STX8: variants seen among roughly 807,000 people sequenced by gnomAD.
STX8 encodes syntaxin 8, also known as syntaxin-8.
A neutral mutation model predicts 37.5 loss-of-function variants in STX8; 23 were observed. That is an observed-to-expected ratio of 0.61 (90% confidence interval 0.44 to 0.87). The LOEUF (loss-of-function observed/expected upper bound fraction) is 0.87, where lower values mean the gene tolerates loss of function less well. Ranked by LOEUF, STX8 falls within the 40% of genes least tolerant of loss-of-function variation. The pLI, the probability that STX8 is intolerant of heterozygous loss-of-function variation, is 0.00. For synonymous variants in STX8, 115 were observed against 99.1 expected, an observed-to-expected ratio of 1.16 and a Z score of -0.95; for missense variants, 313 against 284.7, an observed-to-expected ratio of 1.10 and a Z score of -0.71.
At chr17:9,559,318 TA>T (rs1907113227) in intron 2 of STX8, among the ~76,000 whole-genome samples, 1 of 152,138 alleles carries the variant, frequency 6.6e-6, no homozygotes, top group Non-Finnish European at 1.5e-5. Flanking sequence ...ATTATAAATG[TA>T]AAAATCTTTT....
At chr17:9,326,250 C>A (rs931051545) in intron 7 of STX8, among the ~76,000 whole-genome samples, 7 of 152,052 alleles carry the variant, frequency 4.6e-5, no homozygotes, top group African/African-American at 1.7e-4. Context: ...CCCACCTCAG[C>A]CTGCCGAGTA....
chr17:9,439,005 A>G (rs1904545571), intron 6 of STX8, among the ~76,000 whole-genome samples: 1 of 152,176 alleles, frequency 6.6e-6, no homozygotes, highest in African/African-American at 2.4e-5. Flanking sequence ...TGCTTTTACA[A>G]AAAGTTTTAT....
intron 4 of STX8, among the ~76,000 whole-genome samples, chr17:9,544,873 T>C (rs1188953374): frequency 1.3e-5 from 2 of 151,956 alleles, no homozygotes; most frequent in East Asian, 1.9e-4. Context: ...TGGGCGCCTG[T>C]AATCCCAACT....
intron 6 of STX8, among the ~76,000 whole-genome samples, chr17:9,432,652 G>A (rs1914022715): frequency 1.3e-5 from 2 of 152,176 alleles, no homozygotes; most frequent in African/African-American, 2.4e-5. Context: ...TGTACTTCAT[G>A]TTCCTTTTGG....
intron 6 of STX8, among the ~76,000 whole-genome samples, chr17:9,392,854 T>C (rs1175277131): frequency 6.6e-6 from 1 of 152,120 alleles, no homozygotes; most frequent in Non-Finnish European, 1.5e-5. Context: ...CAAGGACCTA[T>C]GGGATAATGG....
intron 2 of STX8, among the ~76,000 whole-genome samples, chr17:9,559,501 A>C (rs1426093329): frequency 6.6e-6 from 1 of 151,608 alleles, no homozygotes; most frequent in African/African-American, 2.4e-5. Context: ...AGTACAGTAC[A>C]GGGGAAATTA....
chr17:9,536,307 G>A (rs1479275530), intron 4 of STX8, among the ~76,000 whole-genome samples: 2 of 152,148 alleles, frequency 1.3e-5, no homozygotes, highest in African/African-American at 4.8e-5. Flanking sequence ...AGCCGACATC[G>A]AGTATCGGGA....
At chr17:9,306,365 GGGAGT>G in intron 7 of STX8, among the ~76,000 whole-genome samples, 1 of 152,264 alleles carries the variant, frequency 6.6e-6, no homozygotes, top group East Asian at 1.9e-4. Context: ...GGGAAGGAGA[GGGAGT>G]GGAGAAGACA....
At chr17:9,498,214 A>C (rs374059050) in intron 5 of STX8, among the ~76,000 whole-genome samples, 3 of 152,090 alleles carry the variant, frequency 2.0e-5, no homozygotes, top group African/African-American at 7.2e-5. Context: ...ACATGGCAAA[A>C]TCCTGTCTCT....
chr17:9,266,118 T>C (rs907458703), intron 7 of STX8, among the ~76,000 whole-genome samples: 4 of 152,206 alleles, frequency 2.6e-5, no homozygotes, highest in African/African-American at 7.2e-5. Flanking sequence ...GTTAATAAGA[T>C]GTAGGCTTAG....
chr17:9,272,991 G>A (rs368438223), intron 7 of STX8, among the ~76,000 whole-genome samples: 16 of 152,286 alleles, frequency 1.1e-4, no homozygotes, highest in East Asian at 7.7e-4. Flanking sequence ...AACATCCATC[G>A]AGCCTGGCTA....
At chr17:9,414,671 G>T (rs1022329780) in intron 6 of STX8, among the ~76,000 whole-genome samples, 2 of 151,474 alleles carry the variant, frequency 1.3e-5, no homozygotes, top group Non-Finnish European at 2.9e-5. Context: ...TCAACCACAA[G>T]AACCAGTCAG....
chr17:9,519,949 T>TA (rs1905284063), intron 4 of STX8, among the ~76,000 whole-genome samples: 3 of 152,316 alleles, frequency 2.0e-5, no homozygotes, highest in Middle Eastern at 3.4e-3. Context: ...CCCATGGTGC[T>TA]ATGTTCACAA....
intron 7 of STX8, among the ~76,000 whole-genome samples, chr17:9,324,086 CCTCTCTCT>C: frequency 6.9e-6 from 1 of 144,148 alleles, no homozygotes; most frequent in African/African-American, 2.6e-5. Context: ...TCAGGGCATC[CCTCTCTCT>C]CTCTCTCTCT....
chr17:9,506,409 C>CCT, intron 4 of STX8, among the ~76,000 whole-genome samples: 2 of 33,426 alleles, frequency 6.0e-5, no homozygotes, highest in Non-Finnish European at 1.4e-4. Context: ...TCACCCGCTC[C>CCT]CCCCCCCCCC....
intron 2 of STX8, among the ~76,000 whole-genome samples, chr17:9,566,788 G>GA (rs939789866): frequency 4.8e-5 from 7 of 146,112 alleles, no homozygotes; most frequent in Non-Finnish European, 6.0e-5. Flanking sequence ...ACTCCGTCTC[G>GA]AAAAAAAAAG....
chr17:9,487,610 C>T (rs899916501), intron 6 of STX8, among the ~76,000 whole-genome samples: 7 of 152,182 alleles, frequency 4.6e-5, no homozygotes, highest in African/African-American at 1.2e-4. Flanking sequence ...GCCTTCTCTC[C>T]GGGAGGCCAC....
intron 6 of STX8, among the ~76,000 whole-genome samples, chr17:9,480,409 A>C (rs114635325): frequency 0.022 from 3,396 of 152,298 alleles, 116 homozygotes; most frequent in African/African-American, 0.075. Context: ...ATCTAGATTA[A>C]AGGATAGCTA....
At chr17:9,268,988 C>A (rs554612277) in intron 7 of STX8, among the ~76,000 whole-genome samples, 1 of 152,118 alleles carries the variant, frequency 6.6e-6, no homozygotes, top group Admixed American at 6.5e-5. Context: ...CAGATCGAGA[C>A]CATCCTGGCT....
Sources: gnomAD v4.1 joint callset for allele counts (sites outside exome capture counted in the v4.1 genomes callset) on GRCh38, gnomAD v4.1.1 for gene constraint, MANE v1.5 for transcripts, NCBI Gene and HGNC (gene_info 2026-07-23, HGNC 2026-07-21) for gene names.